PDE4D: variants seen among roughly 807,000 people sequenced by gnomAD.
The protein encoded by PDE4D is phosphodiesterase 4D, also known as 3',5'-cyclic-AMP phosphodiesterase 4D.
PDE4D carries 24 observed loss-of-function variants against 87.4 expected under a neutral mutation model. The ratio of observed to expected loss-of-function variants is 0.27; its 90% CI spans 0.20 to 0.39. The LOEUF is 0.39. PDE4D is among the 10% of genes least tolerant of loss of function. The probability of loss-of-function intolerance (pLI) is 1.00; values close to 1 mark genes in which losing one functional copy is unlikely to be tolerated. For missense variants in PDE4D, 714 were observed against 1,041.0 expected (o/e 0.69, Z 4.32); for synonymous variants, 384 against 383.2 (o/e 1.00, Z -0.02).
At chr5:60,238,720 A>G (rs1746717934) in intron 1 of PDE4D, among the ~76,000 whole-genome samples, 1 of 151,936 alleles carries the variant, frequency 6.6e-6, no homozygotes, top group Admixed American at 6.6e-5. Context: ...ATTTATTTGA[A>G]AGATTCCTTC....
At chr5:59,679,205 A>G (rs2150357833) in intron 1 of PDE4D, among the ~76,000 whole-genome samples, 1 of 152,366 alleles carries the variant, frequency 6.6e-6, no homozygotes, top group African/African-American at 2.4e-5. Context: ...AAGGAACAAT[A>G]AAATTTAATT....
chr5:59,028,992 A>G lies in PDE4D; in HGVS notation c.921+9867T>C, dbSNP rs535919921. Among the ~76,000 whole-genome samples the G allele has an allele frequency of 9.2e-5, 14 of 152,370 alleles. No homozygotes were observed. In the South Asian group the frequency reaches 2.9e-3, roughly 32 times the overall value. On this transcript the variant is annotated intron_variant, in intron 6 of 14. Transcript: ENST00000340635. The stretch of plus-strand genomic sequence containing the variant: ...TATGATTTCATGTATACCATTACTT[A>G]AGATGAGGCACTTGGGTGAGTATTT...
At chr5:59,277,793 C>T (rs2153545330) in intron 1 of PDE4D, among the ~76,000 whole-genome samples, 1 of 152,320 alleles carries the variant, frequency 6.6e-6, no homozygotes, top group African/African-American at 2.4e-5. Flanking sequence ...CTGTCACACA[C>T]ACACAAGTTT....
intron 1 of PDE4D, among the ~76,000 whole-genome samples, chr5:59,607,448 A>G (rs1490696185): frequency 6.6e-6 from 1 of 152,114 alleles, no homozygotes; most frequent in East Asian, 1.9e-4. Flanking sequence ...GTTTTAGAGA[A>G]ATGACAGAAA....
chr5:60,515,992 C>T (rs940570107), intron 1 of PDE4D, among the ~76,000 whole-genome samples: 25 of 152,178 alleles, frequency 1.6e-4, no homozygotes, highest in Admixed American at 9.8e-4. Flanking sequence ...AAACTATGCT[C>T]TAAGTGTCTA....
At chr5:59,721,515 T>C (rs1755825960) in intron 1 of PDE4D, among the ~76,000 whole-genome samples, 2 of 152,136 alleles carry the variant, frequency 1.3e-5, no homozygotes, top group Non-Finnish European at 1.5e-5. Context: ...TCAACAATAT[T>C]GTGAGGTAGA....
At chr5:59,525,707 G>C (rs960098956) in intron 1 of PDE4D, among the ~76,000 whole-genome samples, 3 of 152,160 alleles carry the variant, frequency 2.0e-5, no homozygotes, top group Non-Finnish European at 4.4e-5. Context: ...ATGTTTTGGG[G>C]GAGGGAACCT....
intron 6 of PDE4D, among the ~76,000 whole-genome samples, chr5:59,025,861 T>C (rs369114139): frequency 1.5e-4 from 23 of 152,344 alleles, no homozygotes; most frequent in African/African-American, 5.5e-4. Context: ...TCTCCAGACC[T>C]GTTTATGACA....
intron 5 of PDE4D, among the ~76,000 whole-genome samples, chr5:59,053,645 G>GTTTTTTGTTTTTTTTTTT (rs1561396071): frequency 4.4e-5 from 3 of 68,794 alleles, no homozygotes; most frequent in East Asian, 6.2e-4. Flanking sequence ...TTTGTTTTTT[G>GTTTTTTGTTTTTTTTTTT]TTTTTTTTTG....
rs140227795 is a variant in PDE4D at position 59,591,437 on chromosome 5, T to C, written c.455+301731A>G. Among the ~76,000 whole-genome samples the C allele has an allele frequency of 5.3e-5, 8 of 152,314 alleles. No individual in the cohort carries two copies. The East Asian group carries it at 1.5e-3, about 29-fold the overall frequency. ...TCAGAGGGTGTGATGAGTTACTTCA[T>C]TGATTTTCCCTGAGTTTCACTTTCA... On this transcript the variant is annotated intron_variant, in intron 1 of 14. Transcript: ENST00000340635.
intron 5 of PDE4D, among the ~76,000 whole-genome samples, chr5:59,163,187 C>T (rs1354803243): frequency 6.6e-6 from 1 of 151,318 alleles, no homozygotes; most frequent in Non-Finnish European, 1.5e-5. Flanking sequence ...CTCAATCGAT[C>T]CGCCTGCCTC....
intron 1 of PDE4D, among the ~76,000 whole-genome samples, chr5:60,352,036 C>A (rs73106787): frequency 0.029 from 4,375 of 151,754 alleles, 199 homozygotes; most frequent in African/African-American, 0.1. Flanking sequence ...AACTCCTGGC[C>A]TCAAGTCAAC....
chr5:59,956,701 A>C (rs187422060), intron 3 of PDE4D, among the ~76,000 whole-genome samples: 185 of 152,366 alleles, frequency 1.2e-3, no homozygotes, highest in African/African-American at 4.3e-3. Flanking sequence ...GCTTCATTTT[A>C]TATGCTTATT....
chr5:60,184,815 G>A (rs536580556), intron 2 of PDE4D, among the ~76,000 whole-genome samples: 9 of 152,260 alleles, frequency 5.9e-5, no homozygotes, highest in East Asian at 1.9e-4. Flanking sequence ...ATGTTCCTAC[G>A]TCACAAGTAC....
chr5:60,050,224 C>T (rs1174808591), intron 2 of PDE4D, among the ~76,000 whole-genome samples: 11 of 152,288 alleles, frequency 7.2e-5, no homozygotes, highest in African/African-American at 2.2e-4. Context: ...TGCTTCGGCT[C>T]GCGCATGGTG....
At chr5:59,494,804 C>T (rs1267901486) in intron 1 of PDE4D, among the ~76,000 whole-genome samples, 2 of 152,116 alleles carry the variant, frequency 1.3e-5, no homozygotes, top group Non-Finnish European at 2.9e-5. Context: ...TAAACATGCC[C>T]CTCAAAATAA....
chr5:60,132,730 T>C (rs1779689723), intron 2 of PDE4D, among the ~76,000 whole-genome samples: 1 of 152,074 alleles, frequency 6.6e-6, no homozygotes, highest in African/African-American at 2.4e-5. Context: ...TATGGTTACA[T>C]TTAAAATATT....
chr5:60,185,811 T>C (rs777231249), intron 1 of PDE4D: 12 of 359,000 alleles, frequency 3.3e-5, no homozygotes, highest in Non-Finnish European at 6.1e-5. Flanking sequence ...AACGGTGCTG[T>C]GTTTAAAGCA....
At chr5:59,053,496 TTTTGA>T (rs1449604067) in intron 5 of PDE4D, among the ~76,000 whole-genome samples, 1 of 151,920 alleles carries the variant, frequency 6.6e-6, no homozygotes, top group East Asian at 1.9e-4. Context: ...TGTAGCAAGT[TTTTGA>T]TTTGAGACAA....
Sources: gnomAD v4.1 joint callset for allele counts (sites outside exome capture counted in the v4.1 genomes callset) on GRCh38, gnomAD v4.1.1 for gene constraint, MANE v1.5 for transcripts, NCBI Gene and HGNC (gene_info 2026-07-23, HGNC 2026-07-21) for gene names.